TLK1: variants seen among roughly 807,000 people sequenced by gnomAD.
The protein encoded by TLK1 is serine/threonine-protein kinase tousled-like 1.
TLK1 carries 24 observed loss-of-function variants against 105.3 expected under a neutral mutation model. The observed-to-expected ratio is 0.23, with a 90% confidence interval of 0.17 to 0.32. The LOEUF is 0.32. Ranked by LOEUF, TLK1 falls within the 10% of genes least tolerant of loss-of-function variation. The pLI is 1.00. For synonymous variants in TLK1, 321 were observed against 310.4 expected (o/e 1.03, Z -0.36); for missense variants, 558 against 910.5 (o/e 0.61, Z 4.98).
intron 3 of TLK1, among the ~76,000 whole-genome samples, chr2:171,068,779 A>C (rs2105457686): frequency 6.6e-6 from 1 of 152,322 alleles, no homozygotes; most frequent in East Asian, 1.9e-4. Flanking sequence ...TTATTCCTTA[A>C]AGTCTTCCCA....
intron 3 of TLK1, among the ~76,000 whole-genome samples, chr2:171,074,314 T>C (rs1389994188): frequency 6.6e-6 from 1 of 152,236 alleles, no homozygotes; most frequent in Non-Finnish European, 1.5e-5. Flanking sequence ...TTGCATATCA[T>C]GCCTCAGTAA....
chr2:171,131,624 T>C (rs1290321858), intron 1 of TLK1, among the ~76,000 whole-genome samples: 1 of 152,190 alleles, frequency 6.6e-6, no homozygotes, highest in Non-Finnish European at 1.5e-5. Flanking sequence ...TTATTTGCCT[T>C]ATGAACAAAA....
intron 10 of TLK1, among the ~76,000 whole-genome samples, chr2:171,048,937 A>G (rs1575551130): frequency 6.6e-6 from 1 of 152,226 alleles, no homozygotes. Flanking sequence ...TAACACATAA[A>G]CAGCCAATAA....
Position 171,058,058 on chromosome 2 carries a change from C to G in TLK1, c.453+93G>C, listed in dbSNP as rs920985920. On this transcript the variant is annotated intron_variant, in intron 5 of 20. Coordinates refer to ENST00000431350, the MANE Select transcript of TLK1 (RefSeq NM_012290.5). ...GCTCTGCTCTAATCAAGTAAGTAAT[C>G]AAAAGCTGACCTTGTGCTTCTAAGA... 5.3e-6 allele frequency: 7 copies of G among 1,323,778 alleles called. No individual in the cohort carries two copies. The South Asian group carries it at 6.2e-5, about 12-fold the overall frequency. 82.0% of individuals were successfully genotyped at this position (1,323,778 alleles called of 1,614,324 possible). A position where few individuals can be genotyped will look rare whatever the true frequency, so the allele number is the denominator to read the frequency against.
At chr2:171,162,640 A>C (rs1458797701), upstream of TLK1, among the ~76,000 whole-genome samples, 1 of 152,152 alleles carries the variant, frequency 6.6e-6, no homozygotes, top group African/African-American at 2.4e-5. Flanking sequence ...TGTATCTATC[A>C]CCCTCCAAAG....
At chr2:171,159,626 A>G (rs1022478588) in intron 1 of TLK1, 1 of 152,332 alleles carries the variant, frequency 6.6e-6, no homozygotes, top group Non-Finnish European at 1.5e-5. Flanking sequence ...CGCAGGAAGC[A>G]ACGGCGAAGG....
intron 1 of TLK1, among the ~76,000 whole-genome samples, chr2:171,201,955 A>G (rs1425016127): frequency 6.6e-6 from 1 of 151,006 alleles, no homozygotes; most frequent in Non-Finnish European, 1.5e-5. Context: ...CATCAATCAT[A>G]TCTATTATCT....
At chr2:171,009,622 C>A (rs112217369) in intron 14 of TLK1, among the ~76,000 whole-genome samples, 4 of 152,214 alleles carry the variant, frequency 2.6e-5, no homozygotes, top group African/African-American at 9.6e-5. Context: ...TTCTAATAAT[C>A]TTATCAGCTT....
intron 1 of TLK1, among the ~76,000 whole-genome samples, chr2:171,131,741 T>C (rs1280792616): frequency 6.6e-6 from 1 of 151,906 alleles, no homozygotes; most frequent in Non-Finnish European, 1.5e-5. Context: ...TGCAAAAAAT[T>C]AAAGCCAAAA....
rs143600061 is a variant in TLK1, at chr2:171,007,037, A to G, written c.1443T>C (p.Tyr481=). The change falls in exon 15 of 21, where the codon TAT becomes TAC. Residue 481 remains tyrosine (Y), a synonymous_variant. Coordinates refer to ENST00000431350, the MANE Select transcript of TLK1 (RefSeq NM_012290.5). The part of the protein sequence containing the change: ...YKAFDLYEQR[Y]AAVKIHQLNK... ...TAAGCTGATGTATCTTCACAGCAGCATATCTTTGTTCATAAAGGTCAAAAG... is the reference window on the plus strand; with the variant it reads ...TAAGCTGATGTATCTTCACAGCAGCGTATCTTTGTTCATAAAGGTCAAAAG... 2 of 1,607,786 alleles carry G rather than the reference A, an allele frequency of 1.2e-6. No homozygotes were observed. Among genetic ancestry groups the G allele is most frequent in the Non-Finnish European group, 1.7e-6 (2 of 1,178,552 alleles).
intron 1 of TLK1, among the ~76,000 whole-genome samples, chr2:171,220,924 G>A (rs1055802107): frequency 2.0e-5 from 3 of 151,956 alleles, no homozygotes; most frequent in Non-Finnish European, 4.4e-5. Context: ...CCAGGCTCAC[G>A]TCTGTAATCC....
intron 2 of TLK1, among the ~76,000 whole-genome samples, chr2:171,093,896 T>C (rs550251458): frequency 1.3e-5 from 2 of 151,360 alleles, no homozygotes; most frequent in African/African-American, 4.9e-5. Flanking sequence ...CGCCACCTGA[T>C]TGTAGCCAAC....
chr2:171,115,165 A>C (rs1690355685), intron 2 of TLK1, among the ~76,000 whole-genome samples: 2 of 118,248 alleles, frequency 1.7e-5, no homozygotes, highest in Admixed American at 8.2e-5. Context: ...ATCTTTTAAG[A>C]ATTTCTTTCT....
At chr2:171,216,793 C>T (rs1221015970) in intron 1 of TLK1, among the ~76,000 whole-genome samples, 1 of 152,066 alleles carries the variant, frequency 6.6e-6, no homozygotes, top group African/African-American at 2.4e-5. Flanking sequence ...ACAGGGAAAA[C>T]GTCATGTAAC....
chr2:171,178,917 CT>C (rs1373101495), intron 1 of TLK1, among the ~76,000 whole-genome samples: 1 of 152,096 alleles, frequency 6.6e-6, no homozygotes, highest in African/African-American at 2.4e-5. Flanking sequence ...TTTATATATA[CT>C]TTTTATTACA....
rs201595179 is a variant in TLK1 at position 170,990,878 on chromosome 2, A to G, written c.*2902T>C. 2 of 70,578 alleles carry G rather than the reference A, an allele frequency of 2.8e-5. No homozygotes were observed. The highest frequency in any genetic ancestry group is 1.1e-4 in the African/African-American group (2 of 17,692). 4.4% of individuals were successfully genotyped at this position (70,578 alleles called of 1,614,324 possible). ...ATGATGAACAGCAAAACAACACACA[A>G]TATACTCTTTAAATGTTTCACTGAA... On this transcript the variant is annotated 3_prime_UTR_variant, in exon 21 of 21. Coordinates refer to ENST00000431350, the MANE Select transcript of TLK1 (RefSeq NM_012290.5).
chr2:171,177,285 G>A (rs1329945750), intron 1 of TLK1, among the ~76,000 whole-genome samples: 1 of 151,926 alleles, frequency 6.6e-6, no homozygotes, highest in African/African-American at 2.4e-5. Context: ...GGTACTACAG[G>A]CACACACCAC....
At chr2:171,182,935 A>AAAGAAAGAAAGAAAG (rs58968031) in intron 1 of TLK1, among the ~76,000 whole-genome samples, 49 of 128,824 alleles carry the variant, frequency 3.8e-4, no homozygotes, top group African/African-American at 1.2e-3. Context: ...AAAAAAAAAA[A>AAAGAAAGAAAGAAAG]AAAGAAAGAA....
intron 1 of TLK1, among the ~76,000 whole-genome samples, chr2:171,168,847 G>A (rs1335051797): frequency 6.6e-6 from 1 of 152,192 alleles, no homozygotes; most frequent in Non-Finnish European, 1.5e-5. Flanking sequence ...TTGGGAAGCA[G>A]AGGCAGGTGG....
Sources: allele counts gnomAD v4.1 joint callset (sites outside exome capture counted in the v4.1 genomes callset), GRCh38; gene constraint gnomAD v4.1.1; transcripts MANE v1.5; gene names NCBI Gene and HGNC (gene_info 2026-07-23, HGNC 2026-07-21).